Variants in LAMA2 observed in about 807,000 individuals in gnomAD.
LAMA2 encodes laminin subunit alpha 2, also known as laminin subunit alpha-2.
Under a neutral mutation model 364.8 loss-of-function variants are expected in LAMA2, and 269 were observed. That is an observed-to-expected ratio of 0.74 (90% confidence interval 0.67 to 0.82). The LOEUF (loss-of-function observed/expected upper bound fraction) is 0.82, where lower values mean the gene tolerates loss of function less well. Among genes scored for constraint, LAMA2 ranks in the 40% least tolerant of loss-of-function variants. LAMA2 has a pLI of 0.00. For synonymous variants in LAMA2, 1,379 were observed against 1,370.6 expected (o/e 1.01, Z -0.14); for missense variants, 3,807 against 3,873.2 (o/e 0.98, Z 0.45).
At chr6:129,165,852 T>C (rs1158261355) in intron 9 of LAMA2, among the ~76,000 whole-genome samples, 177 bp downstream of exon 9, 1 of 152,230 alleles carries the variant, frequency 6.6e-6, no homozygotes, top group Non-Finnish European at 1.5e-5. Context: ...TCTCAATAAT[T>C]ACTTTCATGT....
chr6:129,210,848 C>A, intron 12 of LAMA2, among the ~76,000 whole-genome samples: 1 of 152,014 alleles, frequency 6.6e-6, no homozygotes, highest in East Asian at 1.9e-4. Context: ...TTACGGTGGG[C>A]AACAGAACAG....
At chr6:128,956,320 A>G (rs1476231568) in intron 1 of LAMA2, among the ~76,000 whole-genome samples, 1 of 152,040 alleles carries the variant, frequency 6.6e-6, no homozygotes, top group Admixed American at 6.6e-5. Flanking sequence ...ATGCCACCAG[A>G]CCCTGGGGTA....
chr6:129,262,867 C>CA (rs1787229462), intron 15 of LAMA2, among the ~76,000 whole-genome samples: 1 of 152,014 alleles, frequency 6.6e-6, no homozygotes, highest in African/African-American at 2.4e-5. Context: ...AACCTCTGGC[C>CA]AAAAAAGGAT....
chr6:129,022,391 T>C (rs1785499661), intron 1 of LAMA2, among the ~76,000 whole-genome samples: 1 of 152,186 alleles, frequency 6.6e-6, no homozygotes, highest in Non-Finnish European at 1.5e-5. Context: ...ATTCTGTCTA[T>C]TGGCAGGCTC....
At chr6:129,149,868 G>A (rs1778692652) in intron 7 of LAMA2, among the ~76,000 whole-genome samples, 2 of 152,096 alleles carry the variant, frequency 1.3e-5, no homozygotes, top group Non-Finnish European at 2.9e-5. Flanking sequence ...AAGTAATCTA[G>A]AGATGATCTA....
At chr6:129,330,684 A>G (rs1775594201) in intron 29 of LAMA2, among the ~76,000 whole-genome samples, 1 of 149,624 alleles carries the variant, frequency 6.7e-6, no homozygotes. Context: ...TAATCTCACA[A>G]TTGATGCACA....
intron 1 of LAMA2, among the ~76,000 whole-genome samples, chr6:129,035,884 T>C (rs1786607170): frequency 6.6e-6 from 1 of 152,194 alleles, no homozygotes. Context: ...TATAGCCTCA[T>C]AGTCTCAGAG....
At chr6:129,061,026 C>T (rs964878052) in intron 3 of LAMA2, among the ~76,000 whole-genome samples, 3 of 152,156 alleles carry the variant, frequency 2.0e-5, no homozygotes, top group South Asian at 2.1e-4. Flanking sequence ...AATAATATTT[C>T]TCAGGAAGTC....
intron 4 of LAMA2, among the ~76,000 whole-genome samples, chr6:129,101,119 A>G (rs1562240037): frequency 6.6e-6 from 1 of 152,248 alleles, no homozygotes; most frequent in East Asian, 1.9e-4. Flanking sequence ...TAAGAGAAAC[A>G]AACATATAAA....
intron 4 of LAMA2, among the ~76,000 whole-genome samples, chr6:129,122,964 A>G (rs9492243): frequency 0.23 from 35,188 of 152,104 alleles, 4,384 homozygotes; most frequent in African/African-American, 0.33. Flanking sequence ...TGGTTCAACC[A>G]TTATGGAAGG....
chr6:129,244,068 C>A (rs1321558132), intron 12 of LAMA2, among the ~76,000 whole-genome samples: 1 of 152,050 alleles, frequency 6.6e-6, no homozygotes, highest in East Asian at 1.9e-4. Flanking sequence ...CCCTTCTAAA[C>A]CAACTTTTCT....
At chr6:129,411,936 T>C (rs1450241680) in intron 40 of LAMA2, among the ~76,000 whole-genome samples, 1 of 152,066 alleles carries the variant, frequency 6.6e-6, no homozygotes, top group Non-Finnish European at 1.5e-5. Context: ...AAGAGACTAA[T>C]AAAATGGAAA....
intron 60 of LAMA2, 29 bp downstream of exon 60, chr6:129,503,309 C>T (rs1383495829): frequency 6.3e-7 from 1 of 1,597,712 alleles, no homozygotes; most frequent in Non-Finnish European, 8.6e-7. Flanking sequence ...TTGGCAGTAC[C>T]CTAAGGGAAT....
intron 44 of LAMA2, 21 bp from the exon 45 acceptor site, chr6:129,445,646 C>A (rs779450427): frequency 6.2e-7 from 1 of 1,611,324 alleles, no homozygotes; most frequent in Non-Finnish European, 8.5e-7. Flanking sequence ...TATACATGCA[C>A]ACTAATTTTG....
chr6:129,404,805 A>G (rs1257904603), intron 40 of LAMA2, among the ~76,000 whole-genome samples: 1 of 152,110 alleles, frequency 6.6e-6, no homozygotes, highest in Non-Finnish European at 1.5e-5. Context: ...TGTTAAAGAA[A>G]CTGATCAATA....
chr6:129,317,918 C>T (rs1410349791), intron 27 of LAMA2, among the ~76,000 whole-genome samples: 3 of 151,212 alleles, frequency 2.0e-5, no homozygotes, highest in Non-Finnish European at 4.4e-5. Context: ...TTTTCCCGCC[C>T]TATGTCTTTT....
intron 1 of LAMA2, among the ~76,000 whole-genome samples, chr6:128,958,513 G>A (rs1385314166): frequency 6.6e-6 from 1 of 152,000 alleles, no homozygotes; most frequent in Non-Finnish European, 1.5e-5. Flanking sequence ...TGTGATTTGT[G>A]ATCATGAATG....
In LAMA2 at chr6:129,505,078, C is replaced by G. The variant is rs191808320; in HGVS notation, c.8548-122C>G. The G allele has an allele frequency of 6.5e-5, 55 of 850,096 alleles. 1 individual carries two copies. The East Asian group carries it at 1.1e-3, about 17-fold the overall frequency. 52.7% of individuals were successfully genotyped at this position (850,096 alleles called of 1,614,324 possible). ...CCATATATAATGGGCTTAGCGCATA[C>G]TAAGCACTGTGTACATTGTTTCAAT... On this transcript the variant is annotated intron_variant, in intron 60 of 64. Coordinates refer to ENST00000421865, the MANE Select transcript of LAMA2 (RefSeq NM_000426.4).
At chr6:129,137,878 C>T (rs1297882869) in intron 4 of LAMA2, among the ~76,000 whole-genome samples, 3 of 151,770 alleles carry the variant, frequency 2.0e-5, no homozygotes, top group Non-Finnish European at 4.4e-5. Context: ...AATCTAGTAG[C>T]AGACACAAGC....
Sources: gnomAD v4.1 joint callset for allele counts (sites outside exome capture counted in the v4.1 genomes callset) on GRCh38, gnomAD v4.1.1 for gene constraint, MANE v1.5 for transcripts, NCBI Gene and HGNC (gene_info 2026-07-23, HGNC 2026-07-21) for gene names.